DSCAML1: variants seen among roughly 807,000 people sequenced by gnomAD.
The protein encoded by DSCAML1 is DS cell adhesion molecule like 1, also known as cell adhesion molecule DSCAML1.
A neutral mutation model predicts 200.5 loss-of-function variants in DSCAML1; 38 were observed. The ratio of observed to expected loss-of-function variants is 0.19; its 90% CI spans 0.15 to 0.25. DSCAML1 has a LOEUF of 0.25. DSCAML1 is among the 10% of genes least tolerant of loss of function. The pLI, the probability that DSCAML1 is intolerant of heterozygous loss-of-function variation, is 1.00. For synonymous variants in DSCAML1, 1,215 were observed against 1,165.0 expected (o/e 1.04, Z -0.87); for missense variants, 2,223 against 2,858.8 (o/e 0.78, Z 5.07).
intron 11 of DSCAML1, among the ~76,000 whole-genome samples, chr11:117,502,952 G>A (rs61603778): frequency 6.6e-6 from 1 of 152,198 alleles, no homozygotes; most frequent in East Asian, 1.9e-4. Context: ...ATACTTGGCC[G>A]GGTCAGACGC....
chr11:117,814,849 C>T (rs917619936), intron 1 of DSCAML1, among the ~76,000 whole-genome samples: 1 of 152,188 alleles, frequency 6.6e-6, no homozygotes, highest in Non-Finnish European at 1.5e-5. Flanking sequence ...CTCCAGGCTA[C>T]TCCTGGATGA....
At position 117,506,547 on chromosome 11, in the gene DSCAML1, C is replaced by CTTT. The variant is rs5795089; in HGVS notation, c.1784-818_1784-816dup. 3.6e-4 allele frequency among the ~76,000 whole-genome samples: 35 copies of CTTT among 96,860 alleles called. 1 individual carries two copies. Among genetic ancestry groups the CTTT allele is most frequent in the African/African-American group, 5.2e-4 (12 of 22,868 alleles). The allele number at this position is 96,860 out of a possible 152,430, so 63.5% of individuals were successfully genotyped here. The stretch of plus-strand genomic sequence containing the variant: ...TGCCCAGACAAGAGACAAGAGATAA[C>CTTT]TTTTTTTTTTTTTTTTTTTTTTTTT... On this transcript the variant is annotated intron_variant, in intron 8 of 32. Transcript: ENST00000651296.
At chr11:117,684,506 C>CA (rs750703432) in intron 3 of DSCAML1, among the ~76,000 whole-genome samples, 44 of 130,196 alleles carry the variant, frequency 3.4e-4, no homozygotes, top group Non-Finnish European at 5.5e-4. Flanking sequence ...GCTAGGATAT[C>CA]AAAACCATTT....
chr11:117,639,838 G>T (rs909575669), intron 3 of DSCAML1, among the ~76,000 whole-genome samples: 1 of 143,114 alleles, frequency 7.0e-6, no homozygotes, highest in Admixed American at 6.9e-5. Context: ...CATGCCTCCC[G>T]CTCCCTTCCT....
upstream of DSCAML1, chr11:117,801,200 T>A (rs1317441621): frequency 6.6e-6 from 1 of 152,230 alleles, no homozygotes; most frequent in African/African-American, 2.4e-5. Context: ...AATCCTAGGT[T>A]CTTGTGTCAC....
intron 3 of DSCAML1, among the ~76,000 whole-genome samples, chr11:117,768,803 C>T (rs1461039357): frequency 6.6e-6 from 1 of 152,098 alleles, no homozygotes; most frequent in Non-Finnish European, 1.5e-5. Flanking sequence ...ACACATCCCA[C>T]TATATCTCCT....
At chr11:117,517,907 C>T (rs1460484522) in intron 7 of DSCAML1, among the ~76,000 whole-genome samples, 1 of 152,204 alleles carries the variant, frequency 6.6e-6, no homozygotes, top group Non-Finnish European at 1.5e-5. Context: ...CCCCACCCAG[C>T]CTCAGCCTCT....
intron 1 of DSCAML1, among the ~76,000 whole-genome samples, chr11:117,787,908 C>T (rs368343276): frequency 2.6e-5 from 4 of 152,200 alleles, no homozygotes; most frequent in African/African-American, 7.2e-5. Flanking sequence ...TGTTATGTGC[C>T]CTCACTCTGA....
chr11:117,492,340 A>C (rs1190033653), intron 11 of DSCAML1, among the ~76,000 whole-genome samples: 1 of 152,114 alleles, frequency 6.6e-6, no homozygotes, highest in Non-Finnish European at 1.5e-5. Context: ...CGGGACTCTC[A>C]TAGTGCTTTT....
At chr11:117,476,524 C>T (rs762084144) in intron 14 of DSCAML1, among the ~76,000 whole-genome samples, 1 of 152,224 alleles carries the variant, frequency 6.6e-6, no homozygotes, top group African/African-American at 2.4e-5. Flanking sequence ...GGCCAGCTCA[C>T]CCCATGGTGG....
chr11:117,675,501 G>A (rs2053195340), intron 3 of DSCAML1, among the ~76,000 whole-genome samples: 2 of 95,464 alleles, frequency 2.1e-5, no homozygotes. Flanking sequence ...TTTTTTTTTA[G>A]AGACAGGGTC....
intron 3 of DSCAML1, among the ~76,000 whole-genome samples, chr11:117,718,117 C>T (rs936606785): frequency 7.2e-5 from 11 of 152,340 alleles, no homozygotes; most frequent in Middle Eastern, 6.8e-3. Flanking sequence ...GAGCAGCATC[C>T]GGAACACAGC....
At chr11:117,549,168 C>T (rs1033179570) in intron 3 of DSCAML1, among the ~76,000 whole-genome samples, 2 of 152,266 alleles carry the variant, frequency 1.3e-5, no homozygotes, top group Non-Finnish European at 2.9e-5. Flanking sequence ...CCTCAGAGGC[C>T]TCCAATGGCC....
At chr11:117,591,579 C>T (rs2051260504) in intron 3 of DSCAML1, among the ~76,000 whole-genome samples, 1 of 152,244 alleles carries the variant, frequency 6.6e-6, no homozygotes, top group African/African-American at 2.4e-5. Flanking sequence ...GGAACCAGTG[C>T]TTCTGCCTCA....
At chr11:117,743,278 C>G (rs944195130) in intron 3 of DSCAML1, among the ~76,000 whole-genome samples, 7 of 152,118 alleles carry the variant, frequency 4.6e-5, no homozygotes, top group African/African-American at 1.7e-4. Context: ...GGAGGAGGAG[C>G]AAGGGTGCCC....
intron 3 of DSCAML1, among the ~76,000 whole-genome samples, chr11:117,759,523 G>A (rs1407907687): frequency 6.6e-6 from 1 of 152,160 alleles, no homozygotes; most frequent in Non-Finnish European, 1.5e-5. Flanking sequence ...TATTGGCTAT[G>A]ACCTCGACTC....
intron 3 of DSCAML1, among the ~76,000 whole-genome samples, chr11:117,757,827 C>A (rs1000295518): frequency 1.3e-5 from 2 of 151,936 alleles, no homozygotes; most frequent in African/African-American, 4.8e-5. Context: ...CCTGTCTCTA[C>A]CAAAAATACA....
At position 117,437,980 on chromosome 11, in the gene DSCAML1, C is replaced by G. The variant is rs781537743; in HGVS notation, c.4347G>C (p.Thr1449=). Residue 1449 remains threonine, a synonymous_variant, in exon 25 of 33, where the codon ACG becomes ACC. Transcript: ENST00000651296. The surrounding 1 kb of genome is among the most constrained non-coding windows in gnomAD (Gnocchi z 5.3). ...TGGCTGCCAGCTTCACCTTGTACCA[C>G]GTGCCACACTTGAGGCTGTCCAGCT... is the stretch of plus-strand genomic sequence containing the variant. The part of the protein sequence containing the change: ...SFKLDSLKCG[T]WYKVKLAAKN... 2 of 1,614,154 alleles carry G rather than the reference C, an allele frequency of 1.2e-6. No homozygotes were observed. Among genetic ancestry groups the G allele is most frequent in the Non-Finnish European group, 1.7e-6 (2 of 1,180,026 alleles).
chr11:117,756,723 G>A (rs1210963281), intron 3 of DSCAML1, among the ~76,000 whole-genome samples: 1 of 152,096 alleles, frequency 6.6e-6, no homozygotes, highest in Non-Finnish European at 1.5e-5. Context: ...GAGGTAGCTG[G>A]TGAAAAACCC....
Sources: gnomAD v4.1 joint callset for allele counts (sites outside exome capture counted in the v4.1 genomes callset) on GRCh38, gnomAD v4.1.1 for gene constraint, Gnocchi (gnomAD v3.1) non-coding constraint, MANE v1.5 for transcripts, NCBI Gene and HGNC (gene_info 2026-07-23, HGNC 2026-07-21) for gene names.